ERAP2: variants seen among roughly 807,000 people sequenced by gnomAD.
The protein encoded by ERAP2 is leukocyte-derived arginine aminopeptidase.
Under a neutral mutation model 111.1 loss-of-function variants are expected in ERAP2, and 118 were observed. The observed-to-expected ratio is 1.06, with a 90% confidence interval of 0.92 to 1.24. The LOEUF (loss-of-function observed/expected upper bound fraction) is 1.24. Among genes scored for constraint, ERAP2 ranks in the 50% most tolerant of loss-of-function variants. The pLI, the probability that ERAP2 is intolerant of heterozygous loss-of-function variation, is 0.00. For missense variants in ERAP2, 1,131 were observed against 1,125.8 expected, an observed-to-expected ratio of 1.00 and a Z score of -0.07; for synonymous variants, 410 against 401.2, an observed-to-expected ratio of 1.02 and a Z score of -0.26.
intron 14 of ERAP2, 29 bp downstream of exon 14, chr5:96,909,146 A>G (rs368696818): frequency 1.2e-6 from 2 of 1,605,348 alleles, no homozygotes; most frequent in African/African-American, 2.7e-5. Context: ...AAATGTATTA[A>G]GTAAATACAC....
rs747413276 is a variant in ERAP2 at position 96,895,286 on chromosome 5, T to C, written c.1166T>C (p.Ile389Thr). The C allele has an allele frequency of 4.7e-5, 75 of 1,612,840 alleles. No homozygotes were observed. The highest frequency in any genetic ancestry group is 2.3e-4 in the Admixed American group (14 of 59,816). Residue 389 changes from isoleucine (I) to threonine (T), a missense_variant, in exon 7 of 19, where the codon ATT becomes ACT. Physicochemically the swap from Ile to Thr is moderately conservative, Grantham distance 89. This residue lies in a region of ERAP2 where 847 missense variants were observed against 856.5 expected (regional missense o/e 0.99). Coordinates refer to ENST00000437043, the MANE Select transcript of ERAP2 (RefSeq NM_022350.5). ...NLVTMEWWND[I>T]WLKEGFAKYM... Reference sequence around the variant, plus strand: ...GTCACAATGGAATGGTGGAATGATATTTGGCTTAAGGAGGGTTTTGCAAAA... The same window carrying C: ...GTCACAATGGAATGGTGGAATGATACTTGGCTTAAGGAGGGTTTTGCAAAA...
chr5:96,884,075 T>TA (rs1561361562), intron 3 of ERAP2, 145 bp downstream of exon 3: 1 of 601,350 alleles, frequency 1.7e-6, no homozygotes, highest in Non-Finnish European at 2.7e-6. Flanking sequence ...TCTATCTATC[T>TA]ATCTATCATC....
At position 96,879,801 on chromosome 5, in the gene ERAP2, C is replaced by T; in HGVS notation, c.116C>T (p.Ser39Leu). The T allele has an allele frequency of 6.2e-7, 1 of 1,614,200 alleles. No homozygotes were observed. The highest frequency in any genetic ancestry group is 8.5e-7 in the Non-Finnish European group (1 of 1,180,032). Residue 39 changes from serine to leucine, a missense_variant, in exon 2 of 19, where the codon TCA becomes TTA. By Grantham distance (145) the Ser-to-Leu change is moderately radical (BLOSUM62 -2). Coordinates refer to ENST00000437043, the MANE Select transcript of ERAP2 (RefSeq NM_022350.5). ...CAAATATGCATTTGTTCTCAGTTCTCAGTGCCATCTAGTTATCACTTCACT... is the reference window on the plus strand; with the variant it reads ...CAAATATGCATTTGTTCTCAGTTCTTAGTGCCATCTAGTTATCACTTCACT... ...LPQICICSQF[S>L]VPSSYHFTED...
At chr5:96,896,234 A>G (rs183759041) in intron 7 of ERAP2, 139 bp from the exon 8 acceptor site, 1 of 636,186 alleles carries the variant, frequency 1.6e-6, no homozygotes, top group East Asian at 3.0e-5. Flanking sequence ...AGGGGAATAC[A>G]TACAAGAAAA....
At chr5:96,911,882 G>GAA (rs1176253119) in intron 15 of ERAP2, among the ~76,000 whole-genome samples, 13 of 109,652 alleles carry the variant, frequency 1.2e-4, no homozygotes, top group African/African-American at 4.2e-4. Flanking sequence ...AAAAAAAAAA[G>GAA]AAAGAAAGAA....
chr5:96,909,832 G>T (rs1257153615), intron 15 of ERAP2, 68 bp downstream of exon 15: 1 of 1,503,108 alleles, frequency 6.7e-7, no homozygotes, highest in Non-Finnish European at 9.1e-7. Flanking sequence ...GATCAAGCAA[G>T]ACATTAGGTC....
intron 11 of ERAP2, 58 bp from the exon 12 acceptor site, chr5:96,902,216 T>C: frequency 8.5e-7 from 1 of 1,179,794 alleles, no homozygotes; most frequent in Non-Finnish European, 1.3e-6. Flanking sequence ...AGTCTGACAA[T>C]GTGAAAAATC....
At chr5:96,885,177 C>A (rs1783599907) in intron 3 of ERAP2, among the ~76,000 whole-genome samples, 1 of 152,176 alleles carries the variant, frequency 6.6e-6, no homozygotes, top group Non-Finnish European at 1.5e-5. Context: ...AGACGTATTT[C>A]CCCATAGTCT....
At chr5:96,902,553 G>A (rs1000400998) in intron 12 of ERAP2, 200 bp downstream of exon 12, 23 of 491,770 alleles carry the variant, frequency 4.7e-5, no homozygotes, top group South Asian at 2.6e-4. Context: ...GTTCTCTTGC[G>A]CTTTTATCAT....
Position 96,917,540 on chromosome 5 carries a change from A to G in ERAP2, c.2818A>G (p.Lys940Glu). 1 of 1,613,994 alleles carries G rather than the reference A, an allele frequency of 6.2e-7. No individual in the cohort carries two copies. The highest frequency in any genetic ancestry group is 8.5e-7 in the Non-Finnish European group (1 of 1,179,900). The change falls in exon 19 of 19, where the codon AAA becomes GAA. Residue 940 changes from lysine to glutamate, a missense_variant. By Grantham distance (56) the Lys-to-Glu change is moderately conservative. Around this residue, in one of 3 missense-constraint regions of ERAP2, gnomAD observed 279 missense variants for 250.9 expected, o/e 1.11. Transcript: ENST00000437043. ...IFQTVLETIT[K>E]NIKWLEKNLP... ...TCAAACTGTTCTGGAAACGATAACC[A>G]AAAATATAAAATGGCTGGAGAAGAA... is the stretch of plus-strand genomic sequence containing the variant.
chr5:96,889,496 G>A, intron 5 of ERAP2, 191 bp downstream of exon 5: 1 of 717,058 alleles, frequency 1.4e-6, no homozygotes, highest in Non-Finnish European at 2.5e-6. Context: ...CCCCAACAGT[G>A]TGGATCATTT....
In ERAP2 at chr5:96,892,043, T is replaced by C. The variant is rs182900332; in HGVS notation, c.971-256T>C. Among the ~76,000 whole-genome samples the C allele has an allele frequency of 1.2e-3, 189 of 152,286 alleles. 1 individual carries two copies. The highest frequency in any genetic ancestry group is 4.5e-3 in the African/African-American group (185 of 41,554). On this transcript the variant is annotated intron_variant, in intron 5 of 18. Coordinates refer to ENST00000437043, the MANE Select transcript of ERAP2 (RefSeq NM_022350.5). ...AAAATATTTTCAGAGTTCAGCACTT[T>C]CAGGAAGAAAATGGTTAAATGTCCA...
chr5:96,893,013 T>C (rs1393370876), intron 6 of ERAP2, among the ~76,000 whole-genome samples: 1 of 151,990 alleles, frequency 6.6e-6, no homozygotes, highest in Non-Finnish European at 1.5e-5. Context: ...CTGAGGATTA[T>C]GGATAGGGAA....
rs540692322 is a variant in ERAP2, at chr5:96,892,122, G to C, written c.971-177G>C. The stretch of plus-strand genomic sequence containing the variant: ...TACAACTTATTCCACTTGATAATGG[G>C]CACTGATTATTTTCAGCGCAACTAT... On this transcript the variant is annotated intron_variant, in intron 5 of 18. Coordinates refer to ENST00000437043, the MANE Select transcript of ERAP2 (RefSeq NM_022350.5). Among the ~76,000 whole-genome samples the C allele has an allele frequency of 4.6e-5, 7 of 152,168 alleles. No homozygotes were observed. The East Asian group carries it at 9.6e-4, about 21-fold the overall frequency.
rs375600819 is a variant in ERAP2 at position 96,879,861 on chromosome 5, G to T, written c.176G>T (p.Gly59Val). ...DPGAFPVATN[G>V]ERFPWQELRL... ...GGGGCTTTCCCAGTAGCCACTAATG[G>T]GGAACGATTTCCTTGGCAGGAGCTA... The change falls in exon 2 of 19, where the codon GGG (glycine) becomes GTG (valine). Residue 59 changes from glycine to valine, a missense_variant. Gly to Val is a moderately radical substitution (Grantham distance 109). Around this residue, in one of 3 missense-constraint regions of ERAP2, gnomAD observed 847 missense variants for 856.5 expected, o/e 0.99. Transcript: ENST00000437043. 6 of 1,614,010 alleles carry T rather than the reference G, an allele frequency of 3.7e-6. No homozygotes were observed. Among genetic ancestry groups the T allele is most frequent in the Non-Finnish European group, 5.1e-6 (6 of 1,180,040 alleles).
chr5:96,885,178 C>A (rs1417008622), intron 3 of ERAP2, among the ~76,000 whole-genome samples: 1 of 152,142 alleles, frequency 6.6e-6, no homozygotes, highest in East Asian at 1.9e-4. Flanking sequence ...GACGTATTTC[C>A]CCATAGTCTC....
At chr5:96,906,260 CTCTTCT>C (rs1304578336) in intron 13 of ERAP2, among the ~76,000 whole-genome samples, 1 of 151,484 alleles carries the variant, frequency 6.6e-6, no homozygotes, top group South Asian at 2.1e-4. Flanking sequence ...CTACTTCTTC[CTCTTCT>C]TCTTCTTCAA....
At chr5:96,877,936 T>C (rs189102952) in intron 1 of ERAP2, among the ~76,000 whole-genome samples, 18 of 152,336 alleles carry the variant, frequency 1.2e-4, no homozygotes, top group African/African-American at 4.3e-4. Context: ...ATTGAAGTAA[T>C]TGTTTGGATA....
At chr5:96,907,972 A>T (rs954081552) in intron 13 of ERAP2, among the ~76,000 whole-genome samples, 1 of 152,140 alleles carries the variant, frequency 6.6e-6, no homozygotes, top group Non-Finnish European at 1.5e-5. Context: ...TTTTGAAAAA[A>T]ATTTCCATAA....
Sources: allele counts gnomAD v4.1 joint callset (sites outside exome capture counted in the v4.1 genomes callset), GRCh38; gene constraint gnomAD v4.1.1; regional missense constraint gnomAD v4.1.1; transcripts MANE v1.5; gene names NCBI Gene and HGNC (gene_info 2026-07-23, HGNC 2026-07-21).